Variants in PTPRT observed in about 807,000 individuals in gnomAD.
PTPRT encodes receptor-type tyrosine-protein phosphatase T.
A neutral mutation model predicts 176.8 loss-of-function variants in PTPRT; 56 were observed. That is an observed-to-expected ratio of 0.32 (90% CI 0.26 to 0.40). The LOEUF is 0.40. PTPRT is among the 10% of genes least tolerant of loss of function. The pLI is 1.00. For missense variants in PTPRT, 1,540 were observed against 1,908.2 expected (o/e 0.81, Z 3.60); for synonymous variants, 783 against 739.0 (o/e 1.06, Z -0.96).
chr20:42,475,759 G>A (rs540830156), intron 7 of PTPRT, among the ~76,000 whole-genome samples: 6 of 152,152 alleles, frequency 3.9e-5, no homozygotes, highest in Non-Finnish European at 8.8e-5. Context: ...ATTCTCCCTG[G>A]AGCTCACCTC....
chr20:42,515,710 C>T (rs2072051777), intron 7 of PTPRT, among the ~76,000 whole-genome samples: 1 of 152,130 alleles, frequency 6.6e-6, no homozygotes, highest in South Asian at 2.1e-4. Flanking sequence ...ATGTAACCAG[C>T]ACCCAGATCA....
chr20:42,115,928 C>A, intron 21 of PTPRT: 1 of 659,668 alleles, frequency 1.5e-6, no homozygotes, highest in Middle Eastern at 2.9e-4. Context: ...TGCGCAGTTC[C>A]TCTCTGACCC....
At chr20:43,110,943 G>C (rs890496794) in intron 1 of PTPRT, among the ~76,000 whole-genome samples, 1 of 152,148 alleles carries the variant, frequency 6.6e-6, no homozygotes, top group African/African-American at 2.4e-5. Flanking sequence ...GCACCAACTC[G>C]AATGAGGTCC....
intron 9 of PTPRT, among the ~76,000 whole-genome samples, chr20:42,363,300 ATTTTTTTTT>A (rs879370769): frequency 3.3e-5 from 1 of 30,562 alleles, no homozygotes; most frequent in Non-Finnish European, 5.3e-5. Context: ...ATATATATAT[ATTTTTTTTT>A]TTTTTTTTTT....
At chr20:43,038,558 G>C (rs933145463) in intron 1 of PTPRT, among the ~76,000 whole-genome samples, 2 of 151,998 alleles carry the variant, frequency 1.3e-5, no homozygotes, top group African/African-American at 4.8e-5. Flanking sequence ...TCAGAAAAAA[G>C]GATATCTGCT....
intron 17 of PTPRT, among the ~76,000 whole-genome samples, chr20:42,144,058 T>C (rs1008415879): frequency 1.1e-4 from 16 of 152,126 alleles, no homozygotes; most frequent in African/African-American, 3.9e-4. Context: ...TCACAGGTGC[T>C]TACAGGAGGA....
chr20:42,257,637 C>T (rs13036791), intron 13 of PTPRT, among the ~76,000 whole-genome samples: 1 of 9,980 alleles, frequency 1.0e-4, no homozygotes, highest in Non-Finnish European at 3.4e-4. Context: ...TGTAGCACCT[C>T]CCCCCACCCC....
chr20:43,130,276 G>C (rs2013603186), intron 1 of PTPRT, among the ~76,000 whole-genome samples: 1 of 152,128 alleles, frequency 6.6e-6, no homozygotes, highest in Non-Finnish European at 1.5e-5. Flanking sequence ...CAGAAAATTA[G>C]ACAGACACTG....
chr20:42,647,751 T>C (rs2074939033), intron 7 of PTPRT, among the ~76,000 whole-genome samples: 1 of 152,186 alleles, frequency 6.6e-6, no homozygotes, highest in South Asian at 2.1e-4. Flanking sequence ...AGGGACAGCG[T>C]CTGTGATACC....
rs73907485 is a variant in PTPRT at position 43,048,043 on chromosome 20, G to C, written c.88+141603C>G. On this transcript the variant is annotated intron_variant, in intron 1 of 30. Transcript: ENST00000373187. ...AAACAGGCAGGTAATCAACTGCATG[G>C]ATCATTTGGAAAAGCCATAGAAAAG... Among the ~76,000 whole-genome samples the C allele has an allele frequency of 6.2e-3, 940 of 152,228 alleles. 14 individuals carry two copies. Among genetic ancestry groups the C allele is most frequent in the African/African-American group, 0.022 (911 of 41,526 alleles).
At chr20:42,442,282 T>C (rs1416516430) in intron 9 of PTPRT, among the ~76,000 whole-genome samples, 1 of 152,234 alleles carries the variant, frequency 6.6e-6, no homozygotes, top group African/African-American at 2.4e-5. Flanking sequence ...CTCTGATGGC[T>C]TGTTGATTCC....
At chr20:42,205,780 T>C (rs2055442730) in intron 15 of PTPRT, among the ~76,000 whole-genome samples, 1 of 152,050 alleles carries the variant, frequency 6.6e-6, no homozygotes, top group Non-Finnish European at 1.5e-5. Context: ...ACCATGAAGA[T>C]TGAAATCCTG....
chr20:42,411,472 G>C (rs992604512), intron 9 of PTPRT, among the ~76,000 whole-genome samples: 3 of 135,852 alleles, frequency 2.2e-5, no homozygotes, highest in Admixed American at 1.6e-4. Flanking sequence ...AGCCGAGATC[G>C]CACCATTGCA....
At chr20:42,910,343 T>C (rs206668) in intron 1 of PTPRT, among the ~76,000 whole-genome samples, 5,578 of 152,262 alleles carry the variant, frequency 0.037, 339 homozygotes, top group African/African-American at 0.13. Context: ...GCCATATCCA[T>C]GTACCAGGAA....
rs148583833 is a variant in PTPRT, at chr20:42,452,519, A to G, written c.1451-4190T>C. On this transcript the variant is annotated intron_variant, in intron 8 of 30. Coordinates refer to ENST00000373187, the MANE Select transcript of PTPRT (RefSeq NM_007050.6). ...CCAAAAGTGTAGTGGGGGACGAATT[A>G]CATCAAGAATTTGGAAAGACAGGAG... 2.4e-3 allele frequency among the ~76,000 whole-genome samples: 365 copies of G among 152,240 alleles called. 2 individuals are homozygous for G. The highest frequency in any genetic ancestry group is 7.9e-3 in the African/African-American group (329 of 41,558).
Position 43,048,309 on chromosome 20 carries a change from G to T in PTPRT, c.88+141337C>A, listed in dbSNP as rs116388585. Among the ~76,000 whole-genome samples the T allele has an allele frequency of 3.1e-3, 474 of 152,304 alleles. 4 individuals carry two copies. The highest frequency in any genetic ancestry group is 0.011 in the African/African-American group (446 of 41,570). On this transcript the variant is annotated intron_variant, in intron 1 of 30. Coordinates refer to ENST00000373187, the MANE Select transcript of PTPRT (RefSeq NM_007050.6). ...GGTGCCAGGGGTTGGTGGATAGACAGTCCACGAGCCCTGGCTGGGGAGACT... is the reference window on the plus strand; with the variant it reads ...GGTGCCAGGGGTTGGTGGATAGACATTCCACGAGCCCTGGCTGGGGAGACT...
intron 17 of PTPRT, among the ~76,000 whole-genome samples, chr20:42,146,891 T>C (rs780994098): frequency 1.2e-4 from 19 of 152,184 alleles, no homozygotes; most frequent in Admixed American, 5.2e-4. Flanking sequence ...ATAAGACTTT[T>C]CGCATGCTGT....
chr20:42,250,672 G>C (rs1363477726), intron 13 of PTPRT, among the ~76,000 whole-genome samples: 1 of 152,158 alleles, frequency 6.6e-6, no homozygotes, highest in African/African-American at 2.4e-5. Flanking sequence ...CATCATTGCT[G>C]CTTAACAGAT....
chr20:42,049,142 C>T, the PTPRT span, among the ~76,000 whole-genome samples: 14 of 152,150 alleles, frequency 9.2e-5, no homozygotes, highest in Admixed American at 1.3e-4. Context: ...TGTTACTTAG[C>T]GAAGTATAAC....
Sources: gnomAD v4.1 joint callset for allele counts (sites outside exome capture counted in the v4.1 genomes callset) on GRCh38, gnomAD v4.1.1 for gene constraint, MANE v1.5 for transcripts, NCBI Gene and HGNC (gene_info 2026-07-23, HGNC 2026-07-21) for gene names.